LSM11: variants seen among roughly 807,000 people sequenced by gnomAD.
LSM11 encodes the protein LSM11, U7 small nuclear RNA associated.
In LSM11, 14 loss-of-function variants were observed where a neutral mutation model predicts 28.1. The ratio of observed to expected loss-of-function variants is 0.50; its 90% CI spans 0.33 to 0.78. LSM11 has a LOEUF of 0.78. Among genes scored for constraint, LSM11 ranks in the 30% least tolerant of loss-of-function variants. The pLI, the probability that LSM11 is intolerant of heterozygous loss-of-function variation, is 0.02. For synonymous variants in LSM11, 207 were observed against 214.2 expected (o/e 0.97, Z 0.30); for missense variants, 495 against 510.6 (o/e 0.97, Z 0.30).
chr5:157,751,363 G>A (rs745793121), intron 1 of LSM11, 27 bp from the exon 2 acceptor site: 1 of 1,563,844 alleles, frequency 6.4e-7, no homozygotes. Flanking sequence ...TATTAAAACT[G>A]TCCTGACTGT....
At position 157,757,563 on chromosome 5, in the gene LSM11, A is replaced by G. The variant is rs1017682486; in HGVS notation, c.*2299A>G. The stretch of plus-strand genomic sequence containing the variant: ...AGCCAGATCAGGTGCACTAAAGTTT[A>G]TAGAGGTTCCAGTTTACAAACTCAA... On this transcript the variant is annotated 3_prime_UTR_variant, in exon 4 of 4. Coordinates refer to ENST00000286307, the MANE Select transcript of LSM11 (RefSeq NM_173491.4). 6 of 152,214 alleles carry G rather than the reference A, an allele frequency of 3.9e-5. No homozygotes were observed. Among genetic ancestry groups the G allele is most frequent in the Admixed American group, 2.6e-4 (4 of 15,278 alleles). 9.4% of individuals were successfully genotyped at this position (152,214 alleles called of 1,614,324 possible). A position where few individuals can be genotyped will look rare whatever the true frequency, so the allele number is the denominator to read the frequency against.
In LSM11 at chr5:157,754,801, A is replaced by G; in HGVS notation, c.673-53A>G. 2.7e-6 allele frequency: 4 copies of G among 1,485,112 alleles called. No homozygotes were observed. The South Asian group carries it at 5.1e-5, about 19-fold the overall frequency. 92.0% of individuals were successfully genotyped at this position (1,485,112 alleles called of 1,614,324 possible). A position where few individuals can be genotyped will look rare whatever the true frequency, so the allele number is the denominator to read the frequency against. On this transcript the variant is annotated intron_variant, in intron 3 of 3. Coordinates refer to ENST00000286307, the MANE Select transcript of LSM11 (RefSeq NM_173491.4). ...TTGGTCTTTTTCTGTATGTTGAAAG[A>G]GGGTGATGAAGGCTAAAGAGAAGGC...
chr5:157,754,555 G>A (rs1481401033), intron 3 of LSM11, among the ~76,000 whole-genome samples: 1 of 151,890 alleles, frequency 6.6e-6, no homozygotes, highest in African/African-American at 2.4e-5. Context: ...AGTTGGGCAG[G>A]GTGGCAGGCG....
In LSM11 at chr5:157,758,771, G is replaced by A. The variant is rs1238397333; in HGVS notation, c.*3507G>A. ...AAGTAATCTTTAAACATGGGAATATGTTTTCAAGACAATTTATAGGACATA... is the reference window on the plus strand; with the variant it reads ...AAGTAATCTTTAAACATGGGAATATATTTTCAAGACAATTTATAGGACATA... On this transcript the variant is annotated 3_prime_UTR_variant, in exon 4 of 4. Coordinates refer to ENST00000286307, the MANE Select transcript of LSM11 (RefSeq NM_173491.4). The A allele has an allele frequency of 6.6e-6, 1 of 152,194 alleles. No individual in the cohort carries two copies. The highest frequency in any genetic ancestry group is 2.4e-5 in the African/African-American group (1 of 41,446). The allele number at this position is 152,194 out of a possible 1,614,324, so 9.4% of individuals were successfully genotyped here. A position where few individuals can be genotyped will look rare whatever the true frequency, so the allele number is the denominator to read the frequency against.
Position 157,757,908 on chromosome 5 carries a change from A to G in LSM11, c.*2644A>G, listed in dbSNP as rs1761354548. On this transcript the variant is annotated 3_prime_UTR_variant, in exon 4 of 4. Transcript: ENST00000286307. ...ATAGCCGTATAAGGATTGATTTACC[A>G]TTTTTTGCCCAACATGACAATTCTG... 6.6e-6 allele frequency: 1 copy of G among 152,060 alleles called. No individual in the cohort carries two copies. The highest frequency in any genetic ancestry group is 2.4e-5 in the African/African-American group (1 of 41,402). 9.4% of individuals were successfully genotyped at this position (152,060 alleles called of 1,614,324 possible).
Position 157,756,621 on chromosome 5 carries a change from G to A in LSM11, c.*1357G>A, listed in dbSNP as rs1355127116. 6.6e-6 allele frequency: 1 copy of A among 152,440 alleles called. No homozygotes were observed. The highest frequency in any genetic ancestry group is 1.5e-5 in the Non-Finnish European group (1 of 68,030). The allele number at this position is 152,440 out of a possible 1,614,324, so 9.4% of individuals were successfully genotyped here. Reference sequence around the variant, plus strand: ...GGGTGAATAAAGTTTAGGGAGCTGGGACACCTGGTCCTGCTAGCTGGACCA... The same window carrying A: ...GGGTGAATAAAGTTTAGGGAGCTGGAACACCTGGTCCTGCTAGCTGGACCA... On this transcript the variant is annotated 3_prime_UTR_variant, in exon 4 of 4. Transcript: ENST00000286307.
In LSM11 at chr5:157,757,990, A is replaced by G. The variant is rs921592542; in HGVS notation, c.*2726A>G. On this transcript the variant is annotated 3_prime_UTR_variant, in exon 4 of 4. Transcript: ENST00000286307. ...TCTATTTTATGTGCTCTATGTTCCCATTTGTTTGTTTGGTCTGGACAGTGG... is the reference window on the plus strand; with the variant it reads ...TCTATTTTATGTGCTCTATGTTCCCGTTTGTTTGTTTGGTCTGGACAGTGG... 3.3e-5 allele frequency: 5 copies of G among 152,220 alleles called. No individual in the cohort carries two copies. The highest frequency in any genetic ancestry group is 1.2e-4 in the African/African-American group (5 of 41,530). The allele number at this position is 152,220 out of a possible 1,614,324, so 9.4% of individuals were successfully genotyped here. A position where few individuals can be genotyped will look rare whatever the true frequency, so the allele number is the denominator to read the frequency against.
Position 157,758,037 on chromosome 5 carries a change from G to A in LSM11, c.*2773G>A, listed in dbSNP as rs940481698. On this transcript the variant is annotated 3_prime_UTR_variant, in exon 4 of 4. Coordinates refer to ENST00000286307, the MANE Select transcript of LSM11 (RefSeq NM_173491.4). Reference sequence around the variant, plus strand: ...GTGGTTCTGGAATGAATTCTATCTAGTAAATTAGTAAATGTGCTGTTTTGT... The same window carrying A: ...GTGGTTCTGGAATGAATTCTATCTAATAAATTAGTAAATGTGCTGTTTTGT... 3.3e-5 allele frequency: 5 copies of A among 152,158 alleles called. No individual in the cohort carries two copies. Among genetic ancestry groups the A allele is most frequent in the Non-Finnish European group, 5.9e-5 (4 of 68,032 alleles). The allele number at this position is 152,158 out of a possible 1,614,324, so 9.4% of individuals were successfully genotyped here. A position where few individuals can be genotyped will look rare whatever the true frequency, so the allele number is the denominator to read the frequency against.
Position 157,751,420 on chromosome 5 carries a change from A to G in LSM11, c.479A>G (p.His160Arg), listed in dbSNP as rs1348986840. Residue 160 changes from histidine to arginine, a missense_variant, in exon 2 of 4, where the codon CAT becomes CGT. By Grantham distance (29) the His-to-Arg change is conservative. Coordinates refer to ENST00000286307, the MANE Select transcript of LSM11 (RefSeq NM_173491.4). Reference sequence around the variant, plus strand: ...GAAGGCAGCCCTCTGGGTGAACTCCATCGCTGTATCCGTGAGGGGGTGAAG... The same window carrying G: ...GAAGGCAGCCCTCTGGGTGAACTCCGTCGCTGTATCCGTGAGGGGGTGAAG... ...LHEGSPLGEL[H>R]RCIREGVKVN... 1.2e-6 allele frequency: 2 copies of G among 1,608,362 alleles called. No homozygotes were observed. The highest frequency in any genetic ancestry group is 1.1e-5 in the South Asian group (1 of 89,960).
chr5:157,756,003 T>C lies in LSM11; in HGVS notation c.*739T>C. The stretch of plus-strand genomic sequence containing the variant: ...TGCTTGTGTGGTGGCTTCTTGTCCT[T>C]CTCTTTGACTTCTGTGGCATGGTGC... On this transcript the variant is annotated 3_prime_UTR_variant, in exon 4 of 4. Coordinates refer to ENST00000286307, the MANE Select transcript of LSM11 (RefSeq NM_173491.4). 3.5e-6 allele frequency: 1 copy of C among 286,940 alleles called. No individual in the cohort carries two copies. The highest frequency in any genetic ancestry group is 6.4e-6 in the Non-Finnish European group (1 of 156,208). The allele number at this position is 286,940 out of a possible 1,614,324, so 17.8% of individuals were successfully genotyped here.
At position 157,755,538 on chromosome 5, in the gene LSM11, A is replaced by C. The variant is rs968312234; in HGVS notation, c.*274A>C. 1.5e-5 allele frequency: 8 copies of C among 535,358 alleles called. No individual in the cohort carries two copies. The highest frequency in any genetic ancestry group is 2.3e-5 in the Non-Finnish European group (7 of 305,924). The allele number at this position is 535,358 out of a possible 1,614,324, so 33.2% of individuals were successfully genotyped here. On this transcript the variant is annotated 3_prime_UTR_variant, in exon 4 of 4. Transcript: ENST00000286307. ...TTTACTTCAGACCCTGAAACCAAAT[A>C]TCTGATCTTCCATTAGACTTAGGGG...
intron 3 of LSM11, among the ~76,000 whole-genome samples, 160 bp from the exon 4 acceptor site, chr5:157,754,694 A>G (rs1761294623): frequency 5.5e-5 from 1 of 18,336 alleles, no homozygotes; most frequent in Non-Finnish European, 1.1e-4. Context: ...TCCGTCTCCA[A>G]AAAAAAAAAA....
chr5:157,744,116 AG>A lies in LSM11; in HGVS notation c.370del (p.Asp124ThrfsTer44). 6.7e-7 allele frequency: 1 copy of A among 1,484,256 alleles called. No individual in the cohort carries two copies. The highest frequency in any genetic ancestry group is 8.9e-7 in the Non-Finnish European group (1 of 1,122,328). 91.9% of individuals were successfully genotyped at this position (1,484,256 alleles called of 1,614,324 possible). On this transcript the variant is annotated frameshift_variant, in exon 1 of 4. Transcript: ENST00000286307. LOFTEE classifies it high-confidence loss of function. ...LRRLMVAKEE[G>X]DGAAGAGRRG... ...GCCGTCTCATGGTGGCCAAAGAGGA[AG>A]GGGACGGGGCCGCAGGAGCGGGCCG...
intron 1 of LSM11, among the ~76,000 whole-genome samples, chr5:157,748,909 G>T (rs776199442): frequency 5.3e-5 from 8 of 152,080 alleles, no homozygotes; most frequent in Admixed American, 1.3e-4. Flanking sequence ...TGTCATATTT[G>T]GTCATAGAAA....
rs2113065106 is a variant in LSM11, at chr5:157,744,041, T to C, written c.291T>C (p.Arg97=). Residue 97 remains arginine, a synonymous_variant, in exon 1 of 4, where the codon CGT becomes CGC. Transcript: ENST00000286307. ...CACCCGGGCCCTCGGGCAGGACTCGTCGCCGCCCGGACGCGCCCGCCCCGG... is the reference window on the plus strand; with the variant it reads ...CACCCGGGCCCTCGGGCAGGACTCGCCGCCGCCCGGACGCGCCCGCCCCGG... The part of the protein sequence containing the change: ...PAAPGPSGRT[R]RRPDAPAPDP... 4.2e-6 allele frequency: 6 copies of C among 1,425,956 alleles called. No homozygotes were observed. Among genetic ancestry groups the C allele is most frequent in the Non-Finnish European group, 5.5e-6 (6 of 1,088,614 alleles). 88.3% of individuals were successfully genotyped at this position (1,425,956 alleles called of 1,614,324 possible).
chr5:157,753,025 G>A (rs1400262072), intron 2 of LSM11, among the ~76,000 whole-genome samples: 2 of 151,974 alleles, frequency 1.3e-5, no homozygotes, highest in Admixed American at 6.6e-5. Context: ...TATACTGAGG[G>A]CTTCATATAT....
chr5:157,753,590 C>A (rs1053341488), intron 2 of LSM11, among the ~76,000 whole-genome samples: 1 of 152,160 alleles, frequency 6.6e-6, no homozygotes, highest in African/African-American at 2.4e-5. Flanking sequence ...AAAGTGGGAT[C>A]TAAAGCCATC....
intron 2 of LSM11, 56 bp from the exon 3 acceptor site, chr5:157,753,948 T>C: frequency 1.7e-6 from 2 of 1,207,040 alleles, no homozygotes; most frequent in Non-Finnish European, 2.2e-6. Context: ...GAAAAAGCTA[T>C]ACAAATAATA....
rs369707196 is a variant in LSM11, at chr5:157,755,107, T to C, written c.926T>C (p.Val309Ala). 5.0e-6 allele frequency: 8 copies of C among 1,614,180 alleles called. No homozygotes were observed. In the African/African-American group the frequency reaches 9.3e-5, roughly 19 times the overall value. ...ACTACACGGACAGACGGCTCCAGTG[T>C]GGGAGGTACCTTTTCCAGGGCTACC... The part of the protein sequence containing the change: ...GRTTRTDGSS[V>A]GGTFSRATTL... Residue 309 changes from valine (V) to alanine (A), a missense_variant, in exon 4 of 4, where the codon GTG becomes GCG. Val to Ala is a moderately conservative substitution (Grantham distance 64). Coordinates refer to ENST00000286307, the MANE Select transcript of LSM11 (RefSeq NM_173491.4).
Sources: gnomAD v4.1 joint callset for allele counts (sites outside exome capture counted in the v4.1 genomes callset) on GRCh38, gnomAD v4.1.1 for gene constraint, MANE v1.5 for transcripts, NCBI Gene and HGNC (gene_info 2026-07-23, HGNC 2026-07-21) for gene names.